The following STAG1 variants were observed in gnomAD, a reference collection of about 807,000 sequenced individuals.
The protein encoded by STAG1 is cohesin subunit SA-1.
A neutral mutation model predicts 170.9 loss-of-function variants in STAG1; 26 were observed. The ratio of observed to expected loss-of-function variants is 0.15; its 90% CI spans 0.11 to 0.21. The LOEUF (loss-of-function observed/expected upper bound fraction) is 0.21. STAG1 is among the 10% of genes least tolerant of loss of function. STAG1 has a pLI of 1.00. For missense variants in STAG1, 964 were observed against 1,509.5 expected, an observed-to-expected ratio of 0.64 and a Z score of 5.99; for synonymous variants, 514 against 497.7, an observed-to-expected ratio of 1.03 and a Z score of -0.44.
At chr3:136,660,983 A>G (rs961917887) in intron 1 of STAG1, among the ~76,000 whole-genome samples, 6 of 152,192 alleles carry the variant, frequency 3.9e-5, no homozygotes. Context: ...GGAAACAAAA[A>G]TAAAAATAAA....
chr3:136,719,994 C>T lies in STAG1; in HGVS notation c.-84+32201G>A, dbSNP rs143226276. Reference sequence around the variant, plus strand: ...GAGTTCGAGACCAGCATGACCATTACGGAGAAATCCCATCTCTAGTGAAAA... The same window carrying T: ...GAGTTCGAGACCAGCATGACCATTATGGAGAAATCCCATCTCTAGTGAAAA... On this transcript the variant is annotated intron_variant, in intron 1 of 33. Coordinates refer to ENST00000383202, the MANE Select transcript of STAG1 (RefSeq NM_005862.3). Among the ~76,000 whole-genome samples, 144 of 151,736 alleles carry T rather than the reference C, an allele frequency of 9.5e-4. 1 individual carries two copies. Among genetic ancestry groups the T allele is most frequent in the Non-Finnish European group, 1.5e-3 (99 of 67,892 alleles).
At chr3:136,423,211 A>C (rs1325249368) in intron 16 of STAG1, among the ~76,000 whole-genome samples, 167 bp from the exon 17 acceptor site, 1 of 152,178 alleles carries the variant, frequency 6.6e-6, no homozygotes, top group African/African-American at 2.4e-5. Flanking sequence ...CATAACATGC[A>C]CTACTACCTT....
Position 136,425,048 on chromosome 3 carries a change from C to T in STAG1, c.1651-2004G>A, listed in dbSNP as rs920424011. On this transcript the variant is annotated intron_variant, in intron 16 of 33. Coordinates refer to ENST00000383202, the MANE Select transcript of STAG1 (RefSeq NM_005862.3). The stretch of plus-strand genomic sequence containing the variant: ...AGAGATGGGGTTTCATCATGTTGGC[C>T]AGGATGATCTCGATCTCCCGACCTC... Among the ~76,000 whole-genome samples, 9 of 152,076 alleles carry T rather than the reference C, an allele frequency of 5.9e-5. No individual in the cohort carries two copies. The East Asian group carries it at 7.7e-4, about 13-fold the overall frequency.
chr3:136,468,036 T>C (rs748619571), intron 12 of STAG1, among the ~76,000 whole-genome samples: 2 of 152,160 alleles, frequency 1.3e-5, no homozygotes, highest in African/African-American at 2.4e-5. Flanking sequence ...TAGCACTAAA[T>C]GCCCACAAGA....
intron 22 of STAG1, among the ~76,000 whole-genome samples, chr3:136,380,781 A>G (rs935491506): frequency 2.0e-5 from 3 of 151,862 alleles, no homozygotes; most frequent in Non-Finnish European, 4.4e-5. Flanking sequence ...GCACTTTGGG[A>G]GGCTGAGGTT....
chr3:136,383,972 A>AAC (rs1553797759), intron 22 of STAG1, among the ~76,000 whole-genome samples: 1 of 147,298 alleles, frequency 6.8e-6, no homozygotes, highest in Admixed American at 7.0e-5. Flanking sequence ...AAAAAAAAAA[A>AAC]AGAAACAGAA....
At chr3:136,432,106 T>C (rs185446332) in intron 16 of STAG1, among the ~76,000 whole-genome samples, 1 of 152,320 alleles carries the variant, frequency 6.6e-6, no homozygotes, top group East Asian at 1.9e-4. Context: ...TTCTTCAATC[T>C]TTTTTCTTCT....
chr3:136,726,868 A>G (rs1002831342), intron 1 of STAG1, among the ~76,000 whole-genome samples: 1 of 152,028 alleles, frequency 6.6e-6, no homozygotes, highest in Non-Finnish European at 1.5e-5. Flanking sequence ...CTCATGCAAC[A>G]CCACTGTACT....
chr3:136,579,997 C>T (rs1243867573), intron 4 of STAG1, among the ~76,000 whole-genome samples: 1 of 88,700 alleles, frequency 1.1e-5, no homozygotes, highest in Non-Finnish European at 2.1e-5. Flanking sequence ...GAGACGGAGT[C>T]TCACTCTGTC....
intron 10 of STAG1, among the ~76,000 whole-genome samples, chr3:136,477,053 G>A (rs1330073006): frequency 6.6e-6 from 1 of 152,058 alleles, no homozygotes; most frequent in Admixed American, 6.6e-5. Flanking sequence ...ATATATACCA[G>A]GTTGTCAAAC....
At chr3:136,413,466 A>AT (rs910375162) in intron 21 of STAG1, among the ~76,000 whole-genome samples, 12 of 149,916 alleles carry the variant, frequency 8.0e-5, no homozygotes, top group South Asian at 2.1e-4. Flanking sequence ...TATTATTATT[A>AT]TTTTTTTTTG....
intron 1 of STAG1, among the ~76,000 whole-genome samples, chr3:136,711,846 C>T (rs945647391): frequency 1.3e-5 from 2 of 151,942 alleles, no homozygotes; most frequent in Non-Finnish European, 2.9e-5. Context: ...ACACAAAAAT[C>T]TATTCCAGGT....
intron 4 of STAG1, among the ~76,000 whole-genome samples, chr3:136,576,200 T>C (rs554754878): frequency 6.2e-4 from 95 of 152,356 alleles, no homozygotes; most frequent in African/African-American, 2.2e-3. Flanking sequence ...TTAGCACTAA[T>C]GACAGAAACA....
At chr3:136,747,892 T>G (rs1404515555) in intron 1 of STAG1, among the ~76,000 whole-genome samples, 3 of 150,072 alleles carry the variant, frequency 2.0e-5, no homozygotes, top group Non-Finnish European at 3.0e-5. Flanking sequence ...TTCTCCTGCC[T>G]CAGCCTCCCC....
chr3:136,666,108 A>AAAAAAAG (rs1559938954), intron 1 of STAG1, among the ~76,000 whole-genome samples: 1 of 141,250 alleles, frequency 7.1e-6, no homozygotes, highest in East Asian at 2.1e-4. Context: ...AAAAAAAAAA[A>AAAAAAAG]AAAGAAAGAA....
At chr3:136,720,355 A>C (rs2107928429) in intron 1 of STAG1, among the ~76,000 whole-genome samples, 1 of 152,272 alleles carries the variant, frequency 6.6e-6, no homozygotes, top group Non-Finnish European at 1.5e-5. Flanking sequence ...AAATTAACTC[A>C]ATGGTGAGGA....
At chr3:136,485,021 A>G (rs905756158) in intron 9 of STAG1, among the ~76,000 whole-genome samples, 9 of 152,214 alleles carry the variant, frequency 5.9e-5, no homozygotes, top group Admixed American at 3.3e-4. Flanking sequence ...ATGGAAATGC[A>G]GAAATCACCC....
chr3:136,464,974 G>A lies in STAG1; in HGVS notation c.1220C>T (p.Ala407Val). ...ATTTTCACAGTCTTCATTGGAAAGA[G>A]CTTCTTCACTTCCACTGAAAAATAC... Reference protein sequence around the residue: ...VTLILHGSEEALSNEDCENVY... With the variant: ...VTLILHGSEEVLSNEDCENVY... The change falls in exon 13 of 34, where the codon GCT becomes GTT. Residue 407 changes from alanine to valine, a missense_variant. Physicochemically the swap from Ala to Val is moderately conservative, Grantham distance 64 (BLOSUM62 0). This residue lies in a region of STAG1 where 162 missense variants were observed against 211.2 expected (regional missense o/e 0.77). Transcript: ENST00000383202. 1 of 1,607,288 alleles carries A rather than the reference G, an allele frequency of 6.2e-7. No homozygotes were observed. Among genetic ancestry groups the A allele is most frequent in the Non-Finnish European group, 8.5e-7 (1 of 1,176,886 alleles).
intron 1 of STAG1, among the ~76,000 whole-genome samples, chr3:136,715,930 T>C (rs1943530063): frequency 6.6e-6 from 1 of 151,278 alleles, no homozygotes; most frequent in Non-Finnish European, 1.5e-5. Context: ...AAACGCTGTT[T>C]CTACTAAAAA....
Sources: allele counts gnomAD v4.1 joint callset (sites outside exome capture counted in the v4.1 genomes callset), GRCh38; gene constraint gnomAD v4.1.1; regional missense constraint gnomAD v4.1.1; transcripts MANE v1.5; gene names NCBI Gene and HGNC (gene_info 2026-07-23, HGNC 2026-07-21).